Variants in EXOC4 observed in about 807,000 individuals in gnomAD.
EXOC4 encodes exocyst complex component 4.
Under a neutral mutation model 107.2 loss-of-function variants are expected in EXOC4, and 71 were observed. The observed-to-expected ratio is 0.66, with a 90% CI of 0.55 to 0.81. EXOC4 has a LOEUF of 0.81. Ranked by LOEUF, EXOC4 falls within the 30% of genes least tolerant of loss-of-function variation. The pLI, the probability that EXOC4 is intolerant of heterozygous loss-of-function variation, is 0.00. For missense variants in EXOC4, 1,108 were observed against 1,189.6 expected, an observed-to-expected ratio of 0.93 and a Z score of 1.01; for synonymous variants, 456 against 441.2, an observed-to-expected ratio of 1.03 and a Z score of -0.42.
At position 134,004,922 on chromosome 7, in the gene EXOC4, T is replaced by A; in HGVS notation, c.2359T>A (p.Phe787Ile). The change falls in exon 16 of 18, where the codon TTC becomes ATC. Residue 787 changes from phenylalanine to isoleucine, a missense_variant. By Grantham distance (21) the Phe-to-Ile change is conservative. Coordinates refer to ENST00000253861, the MANE Select transcript of EXOC4 (RefSeq NM_021807.4). ...CTCTCTCTTTTTCAGGGTTCACTGTTTCCACTATCTTATCCCTCTTGCAAA... is the reference window on the plus strand; with the variant it reads ...CTCTCTCTTTTTCAGGGTTCACTGTATCCACTATCTTATCCCTCTTGCAAA... ...VLHLEVRVHC[F>I]HYLIPLAKEG... 6.2e-7 allele frequency: 1 copy of A among 1,612,180 alleles called. No individual in the cohort carries two copies. The highest frequency in any genetic ancestry group is 8.5e-7 in the Non-Finnish European group (1 of 1,178,958).
At chr7:133,557,874 G>A (rs1482758204) in intron 9 of EXOC4, among the ~76,000 whole-genome samples, 2 of 151,990 alleles carry the variant, frequency 1.3e-5, no homozygotes, top group Non-Finnish European at 2.9e-5. Flanking sequence ...GCCTGTAATC[G>A]CAGCTACTCA....
At position 133,347,664 on chromosome 7, in the gene EXOC4, C is replaced by T. The variant is rs1285319095; in HGVS notation, c.764-8666C>T. Among the ~76,000 whole-genome samples the T allele has an allele frequency of 3.3e-5, 5 of 152,158 alleles. No homozygotes were observed. In the East Asian group the frequency reaches 9.6e-4, roughly 29 times the overall value. On this transcript the variant is annotated intron_variant, in intron 5 of 17. Transcript: ENST00000253861. ...TAAGCCCTCCTTTCATGATTCCATT[C>T]TTAGCTTCAATCACAGAGATGATTT... is the stretch of plus-strand genomic sequence containing the variant.
intron 7 of EXOC4, among the ~76,000 whole-genome samples, chr7:133,410,678 A>C (rs1183598421): frequency 3.3e-5 from 5 of 152,194 alleles, no homozygotes; most frequent in Non-Finnish European, 5.9e-5. Flanking sequence ...ATGTTCATTG[A>C]GAAAGTTATA....
intron 10 of EXOC4, among the ~76,000 whole-genome samples, chr7:133,792,649 T>TATAA (rs56199863): frequency 1.3e-5 from 2 of 151,538 alleles, no homozygotes; most frequent in Admixed American, 6.6e-5. Flanking sequence ...AAATATGGAA[T>TATAA]AAAAAACCTG....
At chr7:133,817,251 C>A in intron 10 of EXOC4, 74 bp from the exon 11 acceptor site, 1 of 1,016,200 alleles carries the variant, frequency 9.8e-7, no homozygotes, top group Non-Finnish European at 1.5e-6. Flanking sequence ...ACTAGATATA[C>A]TCATGTCCTC....
chr7:133,581,443 G>T (rs1016313134), intron 9 of EXOC4, among the ~76,000 whole-genome samples: 1 of 152,126 alleles, frequency 6.6e-6, no homozygotes, highest in Non-Finnish European at 1.5e-5. Flanking sequence ...CTCTGTATTA[G>T]TTTGTTTTCA....
chr7:133,629,938 A>G, intron 9 of EXOC4, 107 bp from the exon 10 acceptor site: 1 of 730,312 alleles, frequency 1.4e-6, no homozygotes, highest in South Asian at 1.8e-5. Flanking sequence ...ACTGTTTGCA[A>G]AGATGGTCCT....
At chr7:133,492,905 G>T (rs1799399623) in intron 9 of EXOC4, among the ~76,000 whole-genome samples, 4 of 151,850 alleles carry the variant, frequency 2.6e-5, no homozygotes, top group African/African-American at 9.7e-5. Flanking sequence ...TAGGTTCTTG[G>T]ATTATCAGTC....
intron 17 of EXOC4, among the ~76,000 whole-genome samples, chr7:134,033,498 C>G (rs147966654): frequency 4.6e-5 from 7 of 152,254 alleles, no homozygotes; most frequent in Non-Finnish European, 7.4e-5. Flanking sequence ...CCCCACATAA[C>G]ACTCCCAGGA....
At chr7:133,784,418 C>A (rs1282752823) in intron 10 of EXOC4, among the ~76,000 whole-genome samples, 2 of 152,152 alleles carry the variant, frequency 1.3e-5, no homozygotes, top group African/African-American at 4.8e-5. Flanking sequence ...GCCCTTCTAT[C>A]TCCATTTAGC....
intron 5 of EXOC4, among the ~76,000 whole-genome samples, chr7:133,322,949 C>T (rs557435922): frequency 4.6e-5 from 7 of 152,138 alleles, no homozygotes; most frequent in South Asian, 2.1e-4. Context: ...TAAGTTGTAT[C>T]CCTAAGTATT....
chr7:133,694,934 T>C (rs1385132270), intron 10 of EXOC4, among the ~76,000 whole-genome samples: 1 of 152,214 alleles, frequency 6.6e-6, no homozygotes, highest in Non-Finnish European at 1.5e-5. Flanking sequence ...GCGATTCTCC[T>C]GCCTCAGCCT....
At chr7:133,816,621 C>T (rs1263275867) in intron 10 of EXOC4, among the ~76,000 whole-genome samples, 1 of 152,232 alleles carries the variant, frequency 6.6e-6, no homozygotes, top group South Asian at 2.1e-4. Context: ...AATCCCCAAC[C>T]TTTTTTGGCA....
chr7:133,932,926 G>C (rs2116705653), intron 13 of EXOC4, among the ~76,000 whole-genome samples: 1 of 152,246 alleles, frequency 6.6e-6, no homozygotes, highest in South Asian at 2.1e-4. Context: ...GAGAGAGAGA[G>C]AGAGAGAGGG....
rs566332111 is a variant in EXOC4, at chr7:133,302,716, C to T, written c.472-3161C>T. Among the ~76,000 whole-genome samples, 11 of 152,158 alleles carry T rather than the reference C, an allele frequency of 7.2e-5. No individual in the cohort carries two copies. The South Asian group carries it at 1.9e-3, about 26-fold the overall frequency. On this transcript the variant is annotated intron_variant, in intron 3 of 17. Coordinates refer to ENST00000253861, the MANE Select transcript of EXOC4 (RefSeq NM_021807.4). ...ATATTTGTGACATTATTCAGTGTTG[C>T]GTGTCACACTTATGAACCTGTTTTT...
chr7:133,570,380 T>G (rs1169500248), intron 9 of EXOC4, among the ~76,000 whole-genome samples: 1 of 152,198 alleles, frequency 6.6e-6, no homozygotes, highest in Non-Finnish European at 1.5e-5. Flanking sequence ...CAAAGCAAAT[T>G]TGGTGGCAGA....
intron 7 of EXOC4, among the ~76,000 whole-genome samples, chr7:133,411,701 G>A (rs532560357): frequency 6.6e-6 from 1 of 152,132 alleles, no homozygotes; most frequent in South Asian, 2.1e-4. Context: ...ATCTAAACAT[G>A]TATTGACATT....
intron 4 of EXOC4, among the ~76,000 whole-genome samples, chr7:133,316,010 C>T (rs1175415102): frequency 2.0e-5 from 3 of 152,160 alleles, no homozygotes; most frequent in Non-Finnish European, 4.4e-5. Context: ...ACAGTGGCTC[C>T]TACATTATTT....
rs533018176 is a variant in EXOC4 at position 133,707,532 on chromosome 7, A to G, written c.1514+77391A>G. On this transcript the variant is annotated intron_variant, in intron 10 of 17. Coordinates refer to ENST00000253861, the MANE Select transcript of EXOC4 (RefSeq NM_021807.4). ...ACCAATTAATTAAGTTTTCTATTTTAGTGTAGATTTTAGGAATCTGCCCAA... is the reference window on the plus strand; with the variant it reads ...ACCAATTAATTAAGTTTTCTATTTTGGTGTAGATTTTAGGAATCTGCCCAA... Among the ~76,000 whole-genome samples, 4 of 152,234 alleles carry G rather than the reference A, an allele frequency of 2.6e-5. No homozygotes were observed. In the East Asian group the frequency reaches 7.7e-4, roughly 29 times the overall value.
Sources: gnomAD v4.1 joint callset for allele counts (sites outside exome capture counted in the v4.1 genomes callset) on GRCh38, gnomAD v4.1.1 for gene constraint, MANE v1.5 for transcripts, NCBI Gene and HGNC (gene_info 2026-07-23, HGNC 2026-07-21) for gene names.